WDR33: variants seen among roughly 807,000 people sequenced by gnomAD.
WDR33 encodes the protein pre-mRNA 3' end processing protein WDR33.
A neutral mutation model predicts 164.9 loss-of-function variants in WDR33; 47 were observed. The observed-to-expected ratio is 0.29, with a 90% CI of 0.23 to 0.36. The LOEUF (loss-of-function observed/expected upper bound fraction) is 0.36, where lower values mean the gene tolerates loss of function less well. Among genes scored for constraint, WDR33 ranks in the 10% least tolerant of loss-of-function variants. WDR33 has a pLI of 1.00. For synonymous variants in WDR33, 505 were observed against 589.0 expected (o/e 0.86, Z 2.06); for missense variants, 1,137 against 1,754.1 (o/e 0.65, Z 6.28).
intron 17 of WDR33, among the ~76,000 whole-genome samples, chr2:127,715,804 C>A (rs1278748519): frequency 1.3e-5 from 2 of 152,220 alleles, no homozygotes; most frequent in East Asian, 3.8e-4. Flanking sequence ...CCCACCACTA[C>A]AAATTAGAAG....
intron 1 of WDR33, among the ~76,000 whole-genome samples, chr2:127,790,556 A>G (rs907908289): frequency 6.6e-6 from 1 of 152,208 alleles, no homozygotes; most frequent in Admixed American, 6.5e-5. Context: ...CTCAACCTCA[A>G]CTTTCCTTTG....
At position 127,702,090 on chromosome 2, in the gene WDR33, C is replaced by G. The variant is rs1270449785; in HGVS notation, c.*4233G>C. 6.5e-6 allele frequency: 8 copies of G among 1,223,602 alleles called. No homozygotes were observed. Among genetic ancestry groups the G allele is most frequent in the Admixed American group, 8.7e-5 (2 of 23,010 alleles). The allele number at this position is 1,223,602 out of a possible 1,614,324, so 75.8% of individuals were successfully genotyped here. On this transcript the variant is annotated 3_prime_UTR_variant, in exon 22 of 22. Coordinates refer to ENST00000322313, the MANE Select transcript of WDR33 (RefSeq NM_018383.5). ...GCTGCTGGCCGCGCTGGTTGGGCTG[C>G]TGCCCTGGGGCGGCGGCACCGCGCT...
intron 4 of WDR33, 55 bp downstream of exon 4, chr2:127,768,134 T>A: frequency 1.8e-6 from 2 of 1,115,234 alleles, no homozygotes; most frequent in Non-Finnish European, 2.5e-6. Context: ...GTCAAATACA[T>A]TTGCTATATA....
chr2:127,810,242 A>T (rs942251212), intron 1 of WDR33, among the ~76,000 whole-genome samples: 5 of 152,138 alleles, frequency 3.3e-5, no homozygotes, highest in Admixed American at 3.3e-4. Context: ...ACTACTTTAA[A>T]ACATTCTTGA....
chr2:127,803,997 G>A (rs1689345895), intron 1 of WDR33, among the ~76,000 whole-genome samples: 1 of 150,726 alleles, frequency 6.6e-6, no homozygotes, highest in Non-Finnish European at 1.5e-5. Flanking sequence ...CCAAATACCT[G>A]CTCCTGCTTA....
Position 127,741,081 on chromosome 2 carries a change from A to C in WDR33, c.725-14304T>G, listed in dbSNP as rs1248749675. Among the ~76,000 whole-genome samples, 3 of 152,208 alleles carry C rather than the reference A, an allele frequency of 2.0e-5. No homozygotes were observed. Among genetic ancestry groups the C allele is most frequent in the African/African-American group, 7.2e-5 (3 of 41,452 alleles). On this transcript the variant is annotated intron_variant, in intron 7 of 21. Coordinates refer to ENST00000322313, the MANE Select transcript of WDR33 (RefSeq NM_018383.5). This position sits in a 1 kb window ranked among gnomAD's most constrained non-coding sequence, Gnocchi z 4.1. ...GTGATGAAGTAATGAGGGTAATTATAGGGAGACTTGTCCAGGTTGTCCCTC... is the reference window on the plus strand; with the variant it reads ...GTGATGAAGTAATGAGGGTAATTATCGGGAGACTTGTCCAGGTTGTCCCTC...
In WDR33 at chr2:127,763,671, C is replaced by T. The variant is rs1573928266; in HGVS notation, c.627-512G>A. The T allele has an allele frequency of 1.0e-6, 1 of 985,898 alleles. No individual in the cohort carries two copies. The highest frequency in any genetic ancestry group is 1.1e-4 in the East Asian group (1 of 8,830). 61.1% of individuals were successfully genotyped at this position (985,898 alleles called of 1,614,324 possible). On this transcript the variant is annotated intron_variant, in intron 6 of 21. Coordinates refer to ENST00000322313, the MANE Select transcript of WDR33 (RefSeq NM_018383.5). The surrounding 1 kb of genome is among the most constrained non-coding windows in gnomAD (Gnocchi z 4.5). ...AATGTTTCTCATCCATTTCAAAGGT[C>T]TGTAGAAAAGTTTCACATCTTCCTG...
Position 127,705,617 on chromosome 2 carries a change from G to A in WDR33, c.*706C>T, listed in dbSNP as rs944034045. On this transcript the variant is annotated 3_prime_UTR_variant, in exon 22 of 22. Coordinates refer to ENST00000322313, the MANE Select transcript of WDR33 (RefSeq NM_018383.5). This position sits in a 1 kb window ranked among gnomAD's most constrained non-coding sequence, Gnocchi z 4.5. ...GATGCTTCCAAGGGGAAGCTCCCTC[G>A]TTGGACATCCAGAAGATTGCATTTT... The A allele has an allele frequency of 1.3e-5, 2 of 152,306 alleles. No individual in the cohort carries two copies. The highest frequency in any genetic ancestry group is 2.1e-4 in the South Asian group (1 of 4,828). The allele number at this position is 152,306 out of a possible 1,614,324, so 9.4% of individuals were successfully genotyped here.
At position 127,704,847 on chromosome 2, in the gene WDR33, G is replaced by T; in HGVS notation, c.*1476C>A. 1 of 166,792 alleles carries T rather than the reference G, an allele frequency of 6.0e-6. No homozygotes were observed. The highest frequency in any genetic ancestry group is 1.5e-5 in the Non-Finnish European group (1 of 68,124). The allele number at this position is 166,792 out of a possible 1,614,324, so 10.3% of individuals were successfully genotyped here. Reference sequence around the variant, plus strand: ...TCAGATCTGCAATCCCAGCACTTTGGGAGGCCACAGCAGGTGGACCGCTTG... The same window carrying T: ...TCAGATCTGCAATCCCAGCACTTTGTGAGGCCACAGCAGGTGGACCGCTTG... On this transcript the variant is annotated 3_prime_UTR_variant, in exon 22 of 22. Coordinates refer to ENST00000322313, the MANE Select transcript of WDR33 (RefSeq NM_018383.5).
chr2:127,745,232 C>T (rs960210199), intron 7 of WDR33, among the ~76,000 whole-genome samples: 2 of 152,122 alleles, frequency 1.3e-5, no homozygotes, highest in Non-Finnish European at 2.9e-5. Context: ...TTGTTCAACC[C>T]AGTCAAGCAT....
intron 1 of WDR33, among the ~76,000 whole-genome samples, chr2:127,800,218 G>A (rs1263795129): frequency 6.6e-6 from 1 of 152,194 alleles, no homozygotes; most frequent in Non-Finnish European, 1.5e-5. Context: ...GTTTACAGCA[G>A]CGTTATTAAT....
chr2:127,801,172 C>T (rs868553267), intron 1 of WDR33, among the ~76,000 whole-genome samples: 1 of 151,700 alleles, frequency 6.6e-6, no homozygotes, highest in Non-Finnish European at 1.5e-5. Context: ...TTGTCCCAGC[C>T]GCTCGGGAGG....
intron 1 of WDR33, among the ~76,000 whole-genome samples, chr2:127,775,167 A>G (rs1688146641): frequency 6.6e-6 from 1 of 152,176 alleles, no homozygotes; most frequent in Non-Finnish European, 1.5e-5. Context: ...TCAATTAAAG[A>G]ATAATGGGCT....
chr2:127,735,379 T>C lies in WDR33; in HGVS notation c.725-8602A>G. The C allele has an allele frequency of 1.0e-6, 1 of 985,778 alleles. No homozygotes were observed. The highest frequency in any genetic ancestry group is 1.2e-6 in the Non-Finnish European group (1 of 829,884). The allele number at this position is 985,778 out of a possible 1,614,324, so 61.1% of individuals were successfully genotyped here. ...GGATCCCAAAGCTCGGTGAACAGTCTGAAAACCAATACATAATAAGTTTTA... is the reference window on the plus strand; with the variant it reads ...GGATCCCAAAGCTCGGTGAACAGTCCGAAAACCAATACATAATAAGTTTTA... On this transcript the variant is annotated intron_variant, in intron 7 of 21. Transcript: ENST00000322313. This position sits in a 1 kb window ranked among gnomAD's most constrained non-coding sequence, Gnocchi z 4.3.
chr2:127,754,368 CA>C (rs1382570717), intron 7 of WDR33, among the ~76,000 whole-genome samples: 1 of 152,082 alleles, frequency 6.6e-6, no homozygotes, highest in East Asian at 1.9e-4. Context: ...CTAAATGTGG[CA>C]AAATTTCATG....
intron 1 of WDR33, among the ~76,000 whole-genome samples, chr2:127,788,417 G>A (rs1376306417): frequency 2.5e-5 from 3 of 121,236 alleles, no homozygotes; most frequent in Non-Finnish European, 5.2e-5. Context: ...CTGGCCGGGC[G>A]GAGGGCTGAC....
chr2:127,737,128 A>G lies in WDR33; in HGVS notation c.725-10351T>C, dbSNP rs6737236. 6.0e-3 allele frequency: 5,936 copies of G among 985,278 alleles called. 288 individuals are homozygous for G. In the African/African-American group the frequency reaches 0.095, roughly 16 times the overall value. 61.0% of individuals were successfully genotyped at this position (985,278 alleles called of 1,614,324 possible). A position where few individuals can be genotyped will look rare whatever the true frequency, so the allele number is the denominator to read the frequency against. ...TCTGTGGACTTTTTAAAAAATTTAC[A>G]TTTTTTTAAAGGCTACTTTGCAGAG... On this transcript the variant is annotated intron_variant, in intron 7 of 21. Transcript: ENST00000322313.
chr2:127,767,273 A>T (rs1687851841), intron 4 of WDR33, among the ~76,000 whole-genome samples: 1 of 152,084 alleles, frequency 6.6e-6, no homozygotes, highest in Non-Finnish European at 1.5e-5. Flanking sequence ...TTATTTGCTC[A>T]ACTTAAGACT....
At chr2:127,791,434 A>G (rs1377369239) in intron 1 of WDR33, among the ~76,000 whole-genome samples, 1 of 152,116 alleles carries the variant, frequency 6.6e-6, no homozygotes, top group African/African-American at 2.4e-5. Flanking sequence ...CAGTTCTAGA[A>G]GCTGGAAGTC....
Sources: gnomAD v4.1 joint callset for allele counts (sites outside exome capture counted in the v4.1 genomes callset) on GRCh38, gnomAD v4.1.1 for gene constraint, Gnocchi (gnomAD v3.1) non-coding constraint, MANE v1.5 for transcripts, NCBI Gene and HGNC (gene_info 2026-07-23, HGNC 2026-07-21) for gene names.